The following AEBP2 variants were observed in gnomAD, a reference collection of about 807,000 sequenced individuals.
The protein encoded by AEBP2 is AE binding protein 2, also known as zinc finger protein AEBP2.
Under a neutral mutation model 50.8 loss-of-function variants are expected in AEBP2, and 10 were observed. That is an observed-to-expected ratio of 0.20 (90% CI 0.12 to 0.33). The LOEUF (loss-of-function observed/expected upper bound fraction) is 0.33, where lower values mean the gene tolerates loss of function less well. Among genes scored for constraint, AEBP2 ranks in the 10% least tolerant of loss-of-function variants. The probability of loss-of-function intolerance (pLI) is 1.00; values close to 1 mark genes in which losing one functional copy is unlikely to be tolerated. For synonymous variants in AEBP2, 296 were observed against 261.3 expected, an observed-to-expected ratio of 1.13 and a Z score of -1.28; for missense variants, 570 against 688.0, an observed-to-expected ratio of 0.83 and a Z score of 1.92.
intron 4 of AEBP2, among the ~76,000 whole-genome samples, chr12:19,497,212 A>G (rs1478162313): frequency 2.0e-5 from 3 of 151,412 alleles, no homozygotes; most frequent in East Asian, 2.0e-4. Context: ...AAGAATAAAG[A>G]TATTTTTCTG....
rs939120439 is a variant in AEBP2 at position 19,501,802 on chromosome 12, T to G, written c.1299+1581T>G. ...TCTCCTATAAAAATGAGTTTGTTTT[T>G]TTTTTTTTTTTTTTTGCATTTTCAT... On this transcript the variant is annotated intron_variant, in intron 5 of 7. Coordinates refer to ENST00000266508, the MANE Select transcript of AEBP2 (RefSeq NM_153207.5). Among the ~76,000 whole-genome samples, 194 of 143,854 alleles carry G rather than the reference T, an allele frequency of 1.3e-3. 3 individuals are homozygous for G. Among genetic ancestry groups the G allele is most frequent in the African/African-American group, 4.2e-3 (166 of 39,598 alleles). 94.4% of individuals were successfully genotyped at this position (143,854 alleles called of 152,430 possible). A position where few individuals can be genotyped will look rare whatever the true frequency, so the allele number is the denominator to read the frequency against.
At chr12:19,461,441 ATT>A (rs1289359519) in intron 1 of AEBP2, among the ~76,000 whole-genome samples, 1 of 152,056 alleles carries the variant, frequency 6.6e-6, no homozygotes, top group Non-Finnish European at 1.5e-5. Context: ...GTAATACTTT[ATT>A]TTATTTTTTG....
chr12:19,435,818 A>T (rs1947852216), upstream of AEBP2, among the ~76,000 whole-genome samples: 1 of 152,156 alleles, frequency 6.6e-6, no homozygotes. Context: ...ACTCGGCCAA[A>T]CATGAACCAT....
At chr12:19,430,421 C>CT (rs2095750833) in intron 1 of AEBP2, among the ~76,000 whole-genome samples, 1 of 152,124 alleles carries the variant, frequency 6.6e-6, no homozygotes. Context: ...ATGCCTCCAG[C>CT]TTTGTTCCTT....
At chr12:19,434,026 TAG>T (rs1225005681) in intron 1 of AEBP2, among the ~76,000 whole-genome samples, 73 of 151,710 alleles carry the variant, frequency 4.8e-4, no homozygotes, top group African/African-American at 1.7e-3. Context: ...TTTTTTATTT[TAG>T]TAGGGACGAG....
At chr12:19,404,144 C>T (rs143499323) in exon 1 of AEBP2, 2 of 152,368 alleles carry the variant, frequency 1.3e-5, no homozygotes, top group South Asian at 2.1e-4. Context: ...TCGCAGATCT[C>T]ACTTGGGAGC....
intron 3 of AEBP2, among the ~76,000 whole-genome samples, chr12:19,474,153 A>G (rs1434839991): frequency 2.0e-5 from 3 of 152,158 alleles, no homozygotes; most frequent in African/African-American, 4.8e-5. Context: ...GTCAAATTAG[A>G]TGTATTCTGG....
Position 19,439,877 on chromosome 12 carries a change from A to C in AEBP2, c.178A>C (p.Asn60His), listed in dbSNP as rs1947913579. 1 of 1,481,770 alleles carries C rather than the reference A, an allele frequency of 6.7e-7. No individual in the cohort carries two copies. The highest frequency in any genetic ancestry group is 8.9e-7 in the Non-Finnish European group (1 of 1,125,596). The allele number at this position is 1,481,770 out of a possible 1,614,324, so 91.8% of individuals were successfully genotyped here. A position where few individuals can be genotyped will look rare whatever the true frequency, so the allele number is the denominator to read the frequency against. The change falls in exon 1 of 8, where the codon AAC becomes CAC. Residue 60 changes from asparagine (N) to histidine (H), a missense_variant. By Grantham distance (68) the Asn-to-His change is moderately conservative. Around this residue, in one of 2 missense-constraint regions of AEBP2, gnomAD observed 386 missense variants for 336.8 expected, o/e 1.15. Coordinates refer to ENST00000266508, the MANE Select transcript of AEBP2 (RefSeq NM_153207.5). ...CGAGGCGGTGGCGGCGCTGCTGCTG[A>C]ACGGCGGCAGCGGTGGGGGCGGCGG... ...EAEAVAALLL[N>H]GGSGGGGGGG...
chr12:19,438,895 G>A (rs1260477077), upstream of AEBP2, among the ~76,000 whole-genome samples: 5 of 152,270 alleles, frequency 3.3e-5, no homozygotes, highest in African/African-American at 1.2e-4. Context: ...CAATGCGACA[G>A]ATGAAATATT....
At chr12:19,466,625 C>T (rs1400883650) in intron 2 of AEBP2, 2 of 180,218 alleles carry the variant, frequency 1.1e-5, no homozygotes, top group East Asian at 1.9e-4. Flanking sequence ...TCCTGGTAAC[C>T]ACAGTTCTAC....
At chr12:19,475,066 AC>A (rs992912763) in intron 3 of AEBP2, among the ~76,000 whole-genome samples, 13 of 152,058 alleles carry the variant, frequency 8.5e-5, no homozygotes, top group Admixed American at 7.2e-4. Flanking sequence ...GCTGGGATTA[AC>A]CACACCTGGC....
upstream of AEBP2, among the ~76,000 whole-genome samples, chr12:19,438,814 TA>T (rs1565701300): frequency 6.6e-6 from 1 of 152,158 alleles, no homozygotes; most frequent in Non-Finnish European, 1.5e-5. Context: ...AACTGTATTT[TA>T]AAAAAATGGA....
At chr12:19,488,545 ATT>A (rs1948849020) in intron 3 of AEBP2, among the ~76,000 whole-genome samples, 1 of 151,928 alleles carries the variant, frequency 6.6e-6, no homozygotes, top group African/African-American at 2.4e-5. Context: ...AGAAATCAAC[ATT>A]TCTTTTTGGA....
intron 5 of AEBP2, among the ~76,000 whole-genome samples, chr12:19,502,934 C>T (rs150932469): frequency 6.6e-6 from 1 of 152,182 alleles, no homozygotes; most frequent in African/African-American, 2.4e-5. Flanking sequence ...TAGGCGCGAG[C>T]CACCACGCTT....
At chr12:19,442,876 A>G (rs1168076617) in intron 1 of AEBP2, among the ~76,000 whole-genome samples, 1 of 152,304 alleles carries the variant, frequency 6.6e-6, no homozygotes, top group East Asian at 1.9e-4. Context: ...GATTACATCA[A>G]TCTGTGGATT....
chr12:19,404,602 A>G (rs564493423), intron 1 of AEBP2, among the ~76,000 whole-genome samples: 103 of 152,268 alleles, frequency 6.8e-4, no homozygotes, highest in Non-Finnish European at 1.2e-3. Context: ...ACCGGCTCCT[A>G]TCCGCCATAT....
At chr12:19,505,540 T>A (rs1410509114) in intron 5 of AEBP2, among the ~76,000 whole-genome samples, 1 of 152,150 alleles carries the variant, frequency 6.6e-6, no homozygotes, top group Non-Finnish European at 1.5e-5. Flanking sequence ...ATTAGTGGGG[T>A]ATAAGCATTT....
In AEBP2 at chr12:19,494,048, T is replaced by C; in HGVS notation, c.1174+62T>C. The C allele has an allele frequency of 6.1e-6, 9 of 1,468,188 alleles. No homozygotes were observed. The East Asian group carries it at 1.2e-4, about 20-fold the overall frequency. The allele number at this position is 1,468,188 out of a possible 1,614,324, so 90.9% of individuals were successfully genotyped here. A position where few individuals can be genotyped will look rare whatever the true frequency, so the allele number is the denominator to read the frequency against. On this transcript the variant is annotated intron_variant, in intron 4 of 7. Transcript: ENST00000266508. Reference sequence around the variant, plus strand: ...GGTTTTAAAAGATATCTTAGACTTTTATGCAAATCCACTTTGAACTTCAAC... The same window carrying C: ...GGTTTTAAAAGATATCTTAGACTTTCATGCAAATCCACTTTGAACTTCAAC...
chr12:19,418,720 C>G (rs2095743964), intron 1 of AEBP2, among the ~76,000 whole-genome samples: 1 of 152,132 alleles, frequency 6.6e-6, no homozygotes, highest in African/African-American at 2.4e-5. Flanking sequence ...AGCTGTAACC[C>G]AACTACCTTG....
Sources: allele counts gnomAD v4.1 joint callset (sites outside exome capture counted in the v4.1 genomes callset), GRCh38; gene constraint gnomAD v4.1.1; regional missense constraint gnomAD v4.1.1; transcripts MANE v1.5; gene names NCBI Gene and HGNC (gene_info 2026-07-23, HGNC 2026-07-21).